The following PDLIM1 variants were observed in gnomAD, a reference collection of about 807,000 sequenced individuals.
PDLIM1 encodes PDZ and LIM domain 1.
A neutral mutation model predicts 35.2 loss-of-function variants in PDLIM1; 25 were observed. That is an observed-to-expected ratio of 0.71 (90% CI 0.52 to 0.99). The LOEUF is 0.99. Among genes scored for constraint, PDLIM1 ranks in the 50% least tolerant of loss-of-function variants. The pLI, the probability that PDLIM1 is intolerant of heterozygous loss-of-function variation, is 0.00. For missense variants in PDLIM1, 363 were observed against 415.3 expected, an observed-to-expected ratio of 0.87 and a Z score of 1.09; for synonymous variants, 152 against 154.0, an observed-to-expected ratio of 0.99 and a Z score of 0.10.
At chr10:95,272,291 T>C (rs1454469586) in intron 1 of PDLIM1, among the ~76,000 whole-genome samples, 6 of 152,336 alleles carry the variant, frequency 3.9e-5, no homozygotes, top group Admixed American at 3.3e-4. Context: ...ATGTTATATA[T>C]ACAAAAGAAA....
chr10:95,241,505 GA>G (rs891339146), intron 5 of PDLIM1, among the ~76,000 whole-genome samples: 26 of 152,228 alleles, frequency 1.7e-4, no homozygotes, highest in African/African-American at 5.8e-4. Context: ...AGTGAAAGGG[GA>G]TGCCACTGGC....
intron 1 of PDLIM1, among the ~76,000 whole-genome samples, chr10:95,279,880 G>A (rs980595131): frequency 9.2e-5 from 14 of 152,136 alleles, no homozygotes; most frequent in Admixed American, 8.5e-4. Context: ...GGGATTCAGC[G>A]ATGAGGAAAA....
intron 5 of PDLIM1, among the ~76,000 whole-genome samples, chr10:95,243,671 G>A (rs2035196221): frequency 6.6e-6 from 1 of 152,130 alleles, no homozygotes; most frequent in South Asian, 2.1e-4. Flanking sequence ...CTCAGCCCAT[G>A]ACTGCTCCTT....
chr10:95,256,967 T>A (rs2035315776), intron 4 of PDLIM1, among the ~76,000 whole-genome samples: 1 of 17,478 alleles, frequency 5.7e-5, no homozygotes, highest in Admixed American at 7.1e-4. Flanking sequence ...AGAATGAGAC[T>A]TCATCTTAAA....
chr10:95,267,584 T>C (rs1306352481), intron 3 of PDLIM1, among the ~76,000 whole-genome samples: 3 of 152,208 alleles, frequency 2.0e-5, no homozygotes, highest in Non-Finnish European at 2.9e-5. Flanking sequence ...TCTTGGGATT[T>C]TTAATAATTA....
chr10:95,249,446 T>C (rs1484827499), intron 4 of PDLIM1, among the ~76,000 whole-genome samples: 1 of 152,196 alleles, frequency 6.6e-6, no homozygotes, highest in African/African-American at 2.4e-5. Flanking sequence ...TCCTGAGTAA[T>C]AAAGCTATAA....
At chr10:95,259,044 G>A (rs2035339549) in intron 4 of PDLIM1, among the ~76,000 whole-genome samples, 1 of 152,124 alleles carries the variant, frequency 6.6e-6, no homozygotes, top group South Asian at 2.1e-4. Flanking sequence ...GGAGGATGAG[G>A]GAAAAGGAGG....
At chr10:95,283,605 T>C (rs888019893) in intron 1 of PDLIM1, among the ~76,000 whole-genome samples, 2 of 152,260 alleles carry the variant, frequency 1.3e-5, no homozygotes, top group African/African-American at 4.8e-5. Context: ...CTGTTCACTG[T>C]GTTTACCTCT....
chr10:95,251,835 C>T (rs1235489846), intron 4 of PDLIM1, among the ~76,000 whole-genome samples: 1 of 152,202 alleles, frequency 6.6e-6, no homozygotes, highest in Non-Finnish European at 1.5e-5. Context: ...GGAAGCCACA[C>T]TGGCTAGGGA....
intron 4 of PDLIM1, among the ~76,000 whole-genome samples, chr10:95,262,442 A>G (rs966360173): frequency 6.6e-6 from 1 of 152,192 alleles, no homozygotes; most frequent in African/African-American, 2.4e-5. Context: ...GTCACCAATA[A>G]TTAAAAATCA....
At chr10:95,238,514 C>T in intron 6 of PDLIM1, 54 bp downstream of exon 6, 1 of 1,118,548 alleles carries the variant, frequency 8.9e-7, no homozygotes, top group Non-Finnish European at 1.4e-6. Flanking sequence ...TCCACATTTT[C>T]ATGGTTTACC....
chr10:95,287,423 A>G (rs12260825), intron 1 of PDLIM1, among the ~76,000 whole-genome samples: 2,891 of 152,304 alleles, frequency 0.019, 105 homozygotes, highest in African/African-American at 0.066. Context: ...GAGAAAAAGC[A>G]TAAGCATTTG....
intron 1 of PDLIM1, among the ~76,000 whole-genome samples, chr10:95,285,876 T>C (rs1000925739): frequency 5.9e-5 from 9 of 152,248 alleles, no homozygotes; most frequent in African/African-American, 2.2e-4. Flanking sequence ...GTCCTATATA[T>C]GTTTTAACTA....
At chr10:95,276,656 C>T (rs910221299) in intron 1 of PDLIM1, among the ~76,000 whole-genome samples, 8 of 152,140 alleles carry the variant, frequency 5.3e-5, no homozygotes, top group African/African-American at 1.2e-4. Flanking sequence ...CAAGGGTTAA[C>T]TCACCAATAT....
chr10:95,288,897 T>C (rs2035625532), intron 1 of PDLIM1, among the ~76,000 whole-genome samples: 1 of 152,224 alleles, frequency 6.6e-6, no homozygotes, highest in East Asian at 1.9e-4. Context: ...TTCTGAGGCG[T>C]TTGCACAGTT....
chr10:95,269,245 C>CTTA (rs985358208), intron 2 of PDLIM1, among the ~76,000 whole-genome samples: 3 of 152,218 alleles, frequency 2.0e-5, no homozygotes, highest in African/African-American at 7.2e-5. Context: ...AAATAACCAA[C>CTTA]TTATTTGTGA....
intron 4 of PDLIM1, among the ~76,000 whole-genome samples, chr10:95,263,475 G>A (rs2035383670): frequency 1.1e-5 from 1 of 92,008 alleles, no homozygotes; most frequent in Non-Finnish European, 2.9e-5. Context: ...GGCTACTCTA[G>A]ATTCCCTCAA....
At chr10:95,259,460 C>A (rs1963544) in intron 4 of PDLIM1, among the ~76,000 whole-genome samples, 4 of 152,068 alleles carry the variant, frequency 2.6e-5, no homozygotes, top group African/African-American at 9.7e-5. Flanking sequence ...CCAAAAACGC[C>A]ATTCTGGGAA....
At chr10:95,287,083 T>C (rs1239436193) in intron 1 of PDLIM1, among the ~76,000 whole-genome samples, 1 of 152,194 alleles carries the variant, frequency 6.6e-6, no homozygotes, top group Non-Finnish European at 1.5e-5. Flanking sequence ...AGGGTGATAA[T>C]GTAGTATGGG....
Sources: allele counts gnomAD v4.1 joint callset (sites outside exome capture counted in the v4.1 genomes callset), GRCh38; gene constraint gnomAD v4.1.1; transcripts MANE v1.5; gene names NCBI Gene and HGNC (gene_info 2026-07-23, HGNC 2026-07-21).